GPC6: variants seen among roughly 807,000 people sequenced by gnomAD.
The protein encoded by GPC6 is glypican 6.
In GPC6, 14 loss-of-function variants were observed where a neutral mutation model predicts 55.2. The observed-to-expected ratio is 0.25, with a 90% CI of 0.17 to 0.40. The LOEUF (loss-of-function observed/expected upper bound fraction) is 0.40, where lower values mean the gene tolerates loss of function less well. Ranked by LOEUF, GPC6 falls within the 10% of genes least tolerant of loss-of-function variation. The probability of loss-of-function intolerance (pLI) is 1.00; values close to 1 mark genes in which losing one functional copy is unlikely to be tolerated. For missense variants in GPC6, 641 were observed against 708.5 expected (o/e 0.90, Z 1.08); for synonymous variants, 278 against 259.6 (o/e 1.07, Z -0.68).
At chr13:94,026,499 A>G (rs1320050238) in intron 3 of GPC6, among the ~76,000 whole-genome samples, 4 of 152,048 alleles carry the variant, frequency 2.6e-5, no homozygotes, top group African/African-American at 9.6e-5. Context: ...AAGTACAGCA[A>G]TGTATAGTTA....
intron 4 of GPC6, among the ~76,000 whole-genome samples, chr13:94,189,987 C>A (rs1393939080): frequency 6.6e-6 from 1 of 151,072 alleles, no homozygotes; most frequent in Non-Finnish European, 1.5e-5. Context: ...CGCCACTGCA[C>A]CCCAGCCTGG....
At chr13:93,954,966 C>A (rs377262463) in intron 3 of GPC6, among the ~76,000 whole-genome samples, 41 of 152,224 alleles carry the variant, frequency 2.7e-4, no homozygotes, top group African/African-American at 9.6e-4. Context: ...CACTTTATTT[C>A]TCCATCTTGG....
intron 4 of GPC6, among the ~76,000 whole-genome samples, chr13:94,262,726 C>T (rs1468154119): frequency 2.0e-5 from 3 of 146,948 alleles, no homozygotes; most frequent in Non-Finnish European, 4.5e-5. Context: ...AAACTTGAAA[C>T]ATGCTTAGAG....
intron 1 of GPC6, among the ~76,000 whole-genome samples, chr13:93,285,408 C>A (rs1168974073): frequency 1.3e-5 from 2 of 152,050 alleles, no homozygotes; most frequent in Non-Finnish European, 2.9e-5. Context: ...TTACTAATAT[C>A]TGGAATAGGA....
At chr13:94,046,529 A>C (rs1212387286) in intron 4 of GPC6, among the ~76,000 whole-genome samples, 2 of 152,090 alleles carry the variant, frequency 1.3e-5, no homozygotes, top group Non-Finnish European at 2.9e-5. Context: ...CTAGTTCCCA[A>C]GCAACTAATC....
intron 1 of GPC6, among the ~76,000 whole-genome samples, chr13:93,291,246 C>T (rs937757015): frequency 3.3e-5 from 5 of 152,034 alleles, no homozygotes; most frequent in Non-Finnish European, 4.4e-5. Flanking sequence ...GAAATTTGAC[C>T]CATAAGTTTG....
chr13:93,783,550 A>G (rs184002734), intron 2 of GPC6, among the ~76,000 whole-genome samples: 233 of 150,408 alleles, frequency 1.5e-3, no homozygotes, highest in Non-Finnish European at 6.5e-4. Context: ...ATTGTATCTC[A>G]CTGTGGTTTT....
chr13:94,309,258 T>A (rs2139115639), intron 6 of GPC6, among the ~76,000 whole-genome samples: 1 of 152,290 alleles, frequency 6.6e-6, no homozygotes, highest in African/African-American at 2.4e-5. Flanking sequence ...TGAAAATAAC[T>A]ATAAAGCACT....
At chr13:93,387,496 G>A (rs1875454316) in intron 1 of GPC6, among the ~76,000 whole-genome samples, 1 of 152,152 alleles carries the variant, frequency 6.6e-6, no homozygotes, top group Non-Finnish European at 1.5e-5. Flanking sequence ...CCCTGCAAAG[G>A]ATATGAACTC....
chr13:93,916,983 T>TCCCTTTTTGC (rs1276629759), intron 3 of GPC6, among the ~76,000 whole-genome samples: 2 of 152,130 alleles, frequency 1.3e-5, no homozygotes, highest in East Asian at 3.8e-4. Flanking sequence ...TATCATAAGC[T>TCCCTTTTTGC]CCCTTTTTGC....
chr13:93,625,225 G>C (rs149972447), intron 2 of GPC6, among the ~76,000 whole-genome samples: 241 of 152,178 alleles, frequency 1.6e-3, no homozygotes, highest in African/African-American at 5.6e-3. Flanking sequence ...TTCTTCTATA[G>C]CTAACAATAT....
rs565764739 is a variant in GPC6 at position 94,251,671 on chromosome 13, G to A, written c.878-34678G>A. On this transcript the variant is annotated intron_variant, in intron 4 of 8. Coordinates refer to ENST00000377047, the MANE Select transcript of GPC6 (RefSeq NM_005708.5). The stretch of plus-strand genomic sequence containing the variant: ...AAAATAACTGAAGTGGTGCCTTGCT[G>A]TTCTTTTCAGCTGAATAAAGTGTTC... Among the ~76,000 whole-genome samples, 263 of 150,034 alleles carry A rather than the reference G, an allele frequency of 1.8e-3. 1 individual carries two copies. The Middle Eastern group carries it at 0.021, about 12-fold the overall frequency.
chr13:93,404,423 T>C (rs1876209686), intron 1 of GPC6, among the ~76,000 whole-genome samples: 1 of 152,154 alleles, frequency 6.6e-6, no homozygotes, highest in Non-Finnish European at 1.5e-5. Context: ...TGTTAAGTCT[T>C]TACATTTTTC....
chr13:93,612,496 C>T (rs1267643143), intron 2 of GPC6, among the ~76,000 whole-genome samples: 1 of 128,606 alleles, frequency 7.8e-6, no homozygotes, highest in Non-Finnish European at 1.6e-5. Context: ...GAGACTCCGT[C>T]TAAAACACAC....
At chr13:94,272,988 T>C (rs557915126) in intron 4 of GPC6, among the ~76,000 whole-genome samples, 1 of 152,312 alleles carries the variant, frequency 6.6e-6, no homozygotes, top group South Asian at 2.1e-4. Context: ...AGTAAGGTTT[T>C]GTCATTTCAG....
intron 1 of GPC6, among the ~76,000 whole-genome samples, chr13:93,349,640 G>T (rs1298615219): frequency 6.6e-6 from 1 of 152,114 alleles, no homozygotes; most frequent in African/African-American, 2.4e-5. Flanking sequence ...AATCTTTTAA[G>T]AATATTTACA....
intron 2 of GPC6, among the ~76,000 whole-genome samples, chr13:93,699,695 G>C (rs901975968): frequency 6.6e-6 from 1 of 151,812 alleles, no homozygotes; most frequent in African/African-American, 2.4e-5. Flanking sequence ...TAGGAATTGT[G>C]GTAAATAAAA....
At chr13:93,839,408 G>A (rs539513632) in intron 3 of GPC6, among the ~76,000 whole-genome samples, 1 of 152,216 alleles carries the variant, frequency 6.6e-6, no homozygotes, top group Non-Finnish European at 1.5e-5. Context: ...GCATGGTGAG[G>A]CTCCTATGTG....
chr13:94,268,592 A>G (rs1477684310), intron 4 of GPC6, among the ~76,000 whole-genome samples: 2 of 152,204 alleles, frequency 1.3e-5, no homozygotes, highest in Non-Finnish European at 2.9e-5. Context: ...CTGTAAATCA[A>G]TTGTTGGAGT....
Sources: gnomAD v4.1 joint callset for allele counts (sites outside exome capture counted in the v4.1 genomes callset) on GRCh38, gnomAD v4.1.1 for gene constraint, MANE v1.5 for transcripts, NCBI Gene and HGNC (gene_info 2026-07-23, HGNC 2026-07-21) for gene names.